The following CDH18 variants were observed in gnomAD, a reference collection of about 807,000 sequenced individuals.
CDH18 encodes cadherin 18, also known as cadherin-18.
Under a neutral mutation model 67.9 loss-of-function variants are expected in CDH18, and 31 were observed. That is an observed-to-expected ratio of 0.46 (90% CI 0.34 to 0.62). The LOEUF is 0.62. Among genes scored for constraint, CDH18 ranks in the 20% least tolerant of loss-of-function variants. CDH18 has a pLI of 0.01. For synonymous variants in CDH18, 362 were observed against 347.2 expected (o/e 1.04, Z -0.48); for missense variants, 890 against 975.5 (o/e 0.91, Z 1.17).
intron 2 of CDH18, among the ~76,000 whole-genome samples, chr5:20,114,308 A>G (rs1334638653): frequency 2.6e-5 from 4 of 152,218 alleles, no homozygotes; most frequent in Non-Finnish European, 5.9e-5. Context: ...ATATAAATCT[A>G]TCATACGTCT....
rs574068113 is a variant in CDH18, at chr5:20,012,869, C to T, written c.-517-20855G>A. ...ACTAAATAACAAGAACACACGGACACATAGAGGGGATCTACACACAGTGGG... is the reference window on the plus strand; with the variant it reads ...ACTAAATAACAAGAACACACGGACATATAGAGGGGATCTACACACAGTGGG... On this transcript the variant is annotated intron_variant, in intron 2 of 14. Transcript: ENST00000507958. Among the ~76,000 whole-genome samples the T allele has an allele frequency of 5.4e-4, 72 of 133,348 alleles. 2 individuals are homozygous for T. The highest frequency in any genetic ancestry group is 5.2e-3 in the Admixed American group (71 of 13,546). 87.5% of individuals were successfully genotyped at this position (133,348 alleles called of 152,430 possible). A position where few individuals can be genotyped will look rare whatever the true frequency, so the allele number is the denominator to read the frequency against.
At chr5:20,231,842 T>C (rs182559373) in intron 2 of CDH18, among the ~76,000 whole-genome samples, 2 of 152,204 alleles carry the variant, frequency 1.3e-5, no homozygotes, top group African/African-American at 4.8e-5. Flanking sequence ...ACAATCTTTT[T>C]CAATATCGTA....
intron 2 of CDH18, among the ~76,000 whole-genome samples, chr5:20,089,717 G>T (rs1330708783): frequency 6.6e-6 from 1 of 152,034 alleles, no homozygotes; most frequent in East Asian, 1.9e-4. Context: ...CAATTTTATT[G>T]TTAAAATACT....
At chr5:19,741,330 T>TCACA (rs60803879) in intron 4 of CDH18, among the ~76,000 whole-genome samples, 6,299 of 145,658 alleles carry the variant, frequency 0.043, 303 homozygotes, top group African/African-American at 0.13. Context: ...TATACATGTC[T>TCACA]CACACACACA....
At chr5:19,625,202 C>A (rs2150156525) in intron 5 of CDH18, among the ~76,000 whole-genome samples, 1 of 152,238 alleles carries the variant, frequency 6.6e-6, no homozygotes, top group Middle Eastern at 3.4e-3. Flanking sequence ...GGCAATTATG[C>A]CTATCCTTCT....
At chr5:20,454,809 T>A (rs1346507675) in intron 1 of CDH18, among the ~76,000 whole-genome samples, 1 of 152,052 alleles carries the variant, frequency 6.6e-6, no homozygotes, top group Non-Finnish European at 1.5e-5. Context: ...TCTATTGGGT[T>A]GTTAATGAAT....
At chr5:19,998,312 A>T (rs1429886745) in intron 2 of CDH18, among the ~76,000 whole-genome samples, 1 of 152,202 alleles carries the variant, frequency 6.6e-6, no homozygotes, top group African/African-American at 2.4e-5. Flanking sequence ...ATAATAAAAA[A>T]TTAAAATAGG....
Position 20,032,208 on chromosome 5 carries a change from G to A in CDH18, c.-517-40194C>T, listed in dbSNP as rs1739461991. ...TCATTATATATGTATGCATGTGTAT[G>A]TGTATTATATATGTACATATATGTG... is the stretch of plus-strand genomic sequence containing the variant. On this transcript the variant is annotated intron_variant, in intron 2 of 14. Coordinates refer to the CDH18 transcript ENST00000507958. Among the ~76,000 whole-genome samples the A allele has an allele frequency of 5.9e-5, 9 of 151,342 alleles. No homozygotes were observed. The South Asian group carries it at 1.7e-3, about 28-fold the overall frequency.
chr5:19,613,127 A>G (rs1013682710), intron 5 of CDH18, among the ~76,000 whole-genome samples: 1 of 152,168 alleles, frequency 6.6e-6, no homozygotes, highest in African/African-American at 2.4e-5. Flanking sequence ...CCTGGGCGAC[A>G]GAGTGAGACT....
chr5:19,680,603 A>G (rs1432752238), intron 5 of CDH18, among the ~76,000 whole-genome samples: 1 of 152,080 alleles, frequency 6.6e-6, no homozygotes, highest in African/African-American at 2.4e-5. Context: ...AAGAGGGCAA[A>G]GGATGTGAAC....
intron 2 of CDH18, among the ~76,000 whole-genome samples, chr5:20,112,407 A>G (rs563037638): frequency 9.8e-4 from 149 of 152,258 alleles, no homozygotes; most frequent in Non-Finnish European, 1.6e-3. Flanking sequence ...CATATATTAG[A>G]TTGTGCTTTC....
chr5:19,652,649 T>G (rs1407865326), intron 5 of CDH18, among the ~76,000 whole-genome samples: 2 of 151,868 alleles, frequency 1.3e-5, no homozygotes, highest in Non-Finnish European at 2.9e-5. Flanking sequence ...GGTTGGGTGG[T>G]GAGGAGGTGA....
At chr5:19,508,847 A>G (rs1744654043) in intron 10 of CDH18, among the ~76,000 whole-genome samples, 1 of 148,908 alleles carries the variant, frequency 6.7e-6, no homozygotes, top group Admixed American at 6.9e-5. Flanking sequence ...TTTAAAAAGG[A>G]AGTTCTTTCT....
chr5:19,614,122 T>C (rs1749447207), intron 5 of CDH18, among the ~76,000 whole-genome samples: 1 of 152,050 alleles, frequency 6.6e-6, no homozygotes, highest in African/African-American at 2.4e-5. Context: ...TATATATTTA[T>C]GTTAAAAATA....
intron 2 of CDH18, among the ~76,000 whole-genome samples, chr5:20,022,061 A>T (rs1738473730): frequency 6.6e-6 from 1 of 152,202 alleles, no homozygotes; most frequent in Admixed American, 6.5e-5. Flanking sequence ...CAAAGGATTA[A>T]TCACAATGTG....
intron 6 of CDH18, among the ~76,000 whole-genome samples, chr5:19,605,156 C>T (rs1012870581): frequency 5.9e-5 from 9 of 151,616 alleles, no homozygotes; most frequent in African/African-American, 1.7e-4. Flanking sequence ...AAAAACAAAC[C>T]GTAATACAAT....
chr5:20,298,375 C>G (rs1747703943), intron 1 of CDH18, among the ~76,000 whole-genome samples: 1 of 152,104 alleles, frequency 6.6e-6, no homozygotes, highest in Non-Finnish European at 1.5e-5. Flanking sequence ...TTTTTAGTGA[C>G]TGCTACTAAA....
Position 20,033,949 on chromosome 5 carries a change from G to T in CDH18, c.-517-41935C>A, listed in dbSNP as rs1580085677. 2.0e-5 allele frequency among the ~76,000 whole-genome samples: 3 copies of T among 152,106 alleles called. No individual in the cohort carries two copies. The South Asian group carries it at 6.2e-4, about 31-fold the overall frequency. On this transcript the variant is annotated intron_variant, in intron 2 of 14. Transcript: ENST00000507958. ...TCTTTAAAAAGCATCTGATCCTGAA[G>T]TGGCACAATATAAAAGAAGAGAAAC... is the stretch of plus-strand genomic sequence containing the variant.
chr5:20,156,349 A>T (rs1045890315), intron 2 of CDH18, among the ~76,000 whole-genome samples: 3 of 152,154 alleles, frequency 2.0e-5, no homozygotes, highest in African/African-American at 7.2e-5. Context: ...CAACTGATGA[A>T]TGGATTTAAA....
Sources: gnomAD v4.1 joint callset for allele counts (sites outside exome capture counted in the v4.1 genomes callset) on GRCh38, gnomAD v4.1.1 for gene constraint, MANE v1.5 for transcripts, NCBI Gene and HGNC (gene_info 2026-07-23, HGNC 2026-07-21) for gene names.